PSMF1: variants seen among roughly 807,000 people sequenced by gnomAD.
The protein encoded by PSMF1 is proteasome inhibitor PI31 subunit.
Under a neutral mutation model 29.3 loss-of-function variants are expected in PSMF1, and 30 were observed. That is an observed-to-expected ratio of 1.02 (90% CI 0.77 to 1.39). The LOEUF is 1.39. Ranked by LOEUF, PSMF1 falls within the 40% of genes most tolerant of loss-of-function variation. The pLI is 0.00. For missense variants in PSMF1, 344 were observed against 357.5 expected (o/e 0.96, Z 0.31); for synonymous variants, 134 against 139.7 (o/e 0.96, Z 0.29).
At chr20:1,134,831 C>T in intron 3 of PSMF1, 1 of 471,798 alleles carries the variant, frequency 2.1e-6, no homozygotes, top group African/African-American at 2.0e-5. Context: ...AGAGGAGTAG[C>T]CAATCCAGGC....
intron 2 of PSMF1, chr20:1,125,943 A>C: frequency 1.9e-6 from 1 of 538,682 alleles, no homozygotes; most frequent in East Asian, 4.7e-5. Flanking sequence ...GGTAACCCCA[A>C]TGGGCTACTT....
chr20:1,157,258 A>C (rs940071871), intron 4 of PSMF1, among the ~76,000 whole-genome samples: 3 of 152,194 alleles, frequency 2.0e-5, no homozygotes, highest in Non-Finnish European at 2.9e-5. Context: ...TCTCTTGGCA[A>C]CACCCTCACA....
At chr20:1,134,679 G>C (rs1332131503) in intron 3 of PSMF1, among the ~76,000 whole-genome samples, 3 of 152,166 alleles carry the variant, frequency 2.0e-5, no homozygotes, top group African/African-American at 7.2e-5. Context: ...GACAGAACTG[G>C]ACCTTGAACC....
intron 4 of PSMF1, among the ~76,000 whole-genome samples, chr20:1,143,144 C>T (rs2086405105): frequency 6.6e-6 from 1 of 152,046 alleles, no homozygotes. Context: ...GCAGATATAG[C>T]AAGATACAGC....
At chr20:1,134,948 G>A (rs764645750) in intron 3 of PSMF1, 173 bp from the exon 4 acceptor site, 40 of 714,906 alleles carry the variant, frequency 5.6e-5, no homozygotes, top group Middle Eastern at 2.3e-4. Context: ...GCGTGGGGCT[G>A]TTGCCCCCCT....
chr20:1,129,958 T>A (rs949618904), intron 3 of PSMF1, among the ~76,000 whole-genome samples: 1 of 152,256 alleles, frequency 6.6e-6, no homozygotes. Flanking sequence ...GAACAAAATT[T>A]GGTATGTAAA....
At chr20:1,120,503 G>A (rs1474364700) in intron 1 of PSMF1, among the ~76,000 whole-genome samples, 1 of 152,080 alleles carries the variant, frequency 6.6e-6, no homozygotes, top group Non-Finnish European at 1.5e-5. Flanking sequence ...CCCCATTTCA[G>A]CGTCAGGCCC....
In PSMF1 at chr20:1,169,184, A is replaced by G. The variant is rs1173093264; in HGVS notation, c.*4104A>G. On this transcript the variant is annotated 3_prime_UTR_variant, in exon 7 of 7. Transcript: ENST00000335877. ...CGTCACTGCATTAACCCCAGGACACATGGACCAAGTCACTGCGGCCGTACT... is the reference window on the plus strand; with the variant it reads ...CGTCACTGCATTAACCCCAGGACACGTGGACCAAGTCACTGCGGCCGTACT... Among the ~76,000 whole-genome samples, 2 of 152,186 alleles carry G rather than the reference A, an allele frequency of 1.3e-5. No homozygotes were observed. The highest frequency in any genetic ancestry group is 4.1e-4 in the South Asian group (2 of 4,828).
rs954630178 is a variant in PSMF1, at chr20:1,170,434, C to T, written c.*5354C>T. Among the ~76,000 whole-genome samples, 3 of 152,212 alleles carry T rather than the reference C, an allele frequency of 2.0e-5. No homozygotes were observed. Among genetic ancestry groups the T allele is most frequent in the Non-Finnish European group, 4.4e-5 (3 of 68,038 alleles). Reference sequence around the variant, plus strand: ...AGTATCCACTCCATTCCTTTGCCCCCATGGGTCACTTAGATGTGTTTCATG... The same window carrying T: ...AGTATCCACTCCATTCCTTTGCCCCTATGGGTCACTTAGATGTGTTTCATG... On this transcript the variant is annotated 3_prime_UTR_variant, in exon 7 of 7. Transcript: ENST00000335877.
Position 1,164,565 on chromosome 20 carries a change from C to T in PSMF1, c.764+89C>T. ...CAATGAAGGTTTCTAGCCCCAGGCA[C>T]AGAGCTGCCGCTGCCTTCACCTGTT... On this transcript the variant is annotated intron_variant, in intron 6 of 6. Transcript: ENST00000335877. This position sits in a 1 kb window ranked among gnomAD's most constrained non-coding sequence, Gnocchi z 4.1. The T allele has an allele frequency of 6.6e-7, 1 of 1,525,946 alleles. No homozygotes were observed. The highest frequency in any genetic ancestry group is 9.0e-7 in the Non-Finnish European group (1 of 1,115,646). 94.5% of individuals were successfully genotyped at this position (1,525,946 alleles called of 1,614,324 possible).
Position 1,125,548 on chromosome 20 carries a change from C to T in PSMF1, c.180C>T (p.Asn60=). 6.2e-7 allele frequency: 1 copy of T among 1,613,654 alleles called. No individual in the cohort carries two copies. Among genetic ancestry groups the T allele is most frequent in the Non-Finnish European group, 8.5e-7 (1 of 1,179,824 alleles). ...AACTGCTGCCAGCTGGGTGGAACAACAATAAAGACCTGTATGTCCTCCGGT... is the reference window on the plus strand; with the variant it reads ...AACTGCTGCCAGCTGGGTGGAACAATAATAAAGACCTGTATGTCCTCCGGT... The part of the protein sequence containing the change: ...KSELLPAGWN[N]NKDLYVLRYE... The change falls in exon 2 of 7, where the codon AAC becomes AAT. Residue 60 remains asparagine (N), a synonymous_variant. Transcript: ENST00000335877.
upstream of PSMF1, among the ~76,000 whole-genome samples, chr20:1,117,069 A>C (rs562663253): frequency 2.8e-4 from 43 of 152,332 alleles, 1 homozygote; most frequent in African/African-American, 9.4e-4. Flanking sequence ...AAGTGGTCAG[A>C]TTCATAATAT....
chr20:1,159,697 A>G lies in PSMF1; in HGVS notation c.552-3433A>G, dbSNP rs1424092572. Among the ~76,000 whole-genome samples the G allele has an allele frequency of 2.6e-5, 4 of 152,182 alleles. No individual in the cohort carries two copies. The East Asian group carries it at 7.7e-4, about 29-fold the overall frequency. On this transcript the variant is annotated intron_variant, in intron 4 of 6. Transcript: ENST00000335877. ...CCACCTGGTCTGCCTCTAGTTAGGC[A>G]GGATGTTGGAGGCTGCTAGAAACTT... is the stretch of plus-strand genomic sequence containing the variant.
At chr20:1,148,452 T>C (rs960451588) in intron 4 of PSMF1, among the ~76,000 whole-genome samples, 15 of 152,260 alleles carry the variant, frequency 9.9e-5, no homozygotes, top group Non-Finnish European at 2.9e-5. Context: ...AACAGTTTTT[T>C]CTATGCTTAA....
chr20:1,133,235 T>G (rs976318599), intron 3 of PSMF1, among the ~76,000 whole-genome samples: 1 of 151,240 alleles, frequency 6.6e-6, no homozygotes, highest in African/African-American at 2.4e-5. Flanking sequence ...TAAATGTTCT[T>G]TATCAGGTTA....
upstream of PSMF1, among the ~76,000 whole-genome samples, chr20:1,117,587 G>T (rs914939362): frequency 6.6e-6 from 1 of 152,098 alleles, no homozygotes; most frequent in African/African-American, 2.4e-5. Flanking sequence ...CAAGTGATCC[G>T]CCTGCCTCGG....
rs369013599 is a variant in PSMF1, at chr20:1,144,252, C to T, written c.551+8946C>T. On this transcript the variant is annotated intron_variant, in intron 4 of 6. Transcript: ENST00000335877. ...GGGAGTTTCACACCTATTAGAATAG[C>T]CAAAATTAAAAATAGTGATGATACT... Among the ~76,000 whole-genome samples the T allele has an allele frequency of 3.9e-4, 59 of 152,188 alleles. 1 individual carries two copies. In the East Asian group the frequency reaches 9.1e-3, roughly 23 times the overall value.
intron 4 of PSMF1, among the ~76,000 whole-genome samples, chr20:1,151,267 G>A (rs2086527129): frequency 1.3e-5 from 2 of 152,132 alleles, no homozygotes; most frequent in African/African-American, 4.8e-5. Context: ...CCATGAGATT[G>A]GTAAGGGCTA....
chr20:1,146,143 G>A (rs1029436273), intron 4 of PSMF1, among the ~76,000 whole-genome samples: 1 of 152,110 alleles, frequency 6.6e-6, no homozygotes, highest in Non-Finnish European at 1.5e-5. Context: ...GATAATTGCT[G>A]TTACAGAGGT....
Sources: allele counts gnomAD v4.1 joint callset (sites outside exome capture counted in the v4.1 genomes callset), GRCh38; gene constraint gnomAD v4.1.1; non-coding constraint Gnocchi (gnomAD v3.1); transcripts MANE v1.5; gene names NCBI Gene and HGNC (gene_info 2026-07-23, HGNC 2026-07-21).